EPHA6: variants seen among roughly 807,000 people sequenced by gnomAD.
The protein encoded by EPHA6 is EPH receptor A6.
EPHA6 carries 50 observed loss-of-function variants against 112.0 expected under a neutral mutation model. The ratio of observed to expected loss-of-function variants is 0.45; its 90% CI spans 0.36 to 0.56. The LOEUF is 0.56. EPHA6 is among the 20% of genes least tolerant of loss of function. EPHA6 has a pLI of 0.00. For synonymous variants in EPHA6, 529 were observed against 490.7 expected, an observed-to-expected ratio of 1.08 and a Z score of -1.03; for missense variants, 1,280 against 1,417.4, an observed-to-expected ratio of 0.90 and a Z score of 1.56.
intron 3 of EPHA6, among the ~76,000 whole-genome samples, chr3:97,076,772 T>C (rs1249294947): frequency 6.6e-6 from 1 of 152,146 alleles, no homozygotes; most frequent in Non-Finnish European, 1.5e-5. Context: ...GAGTCAGTGC[T>C]CATTTGCTAT....
At chr3:97,113,828 T>C (rs1198334971) in intron 3 of EPHA6, among the ~76,000 whole-genome samples, 1 of 152,112 alleles carries the variant, frequency 6.6e-6, no homozygotes, top group East Asian at 1.9e-4. Context: ...TCCCACAGAC[T>C]TTTTTCTTAT....
At chr3:97,729,163 T>C (rs981644184) in intron 15 of EPHA6, among the ~76,000 whole-genome samples, 1 of 152,152 alleles carries the variant, frequency 6.6e-6, no homozygotes, top group Non-Finnish European at 1.5e-5. Context: ...AAATATTTCA[T>C]CACTGTAACG....
intron 6 of EPHA6, among the ~76,000 whole-genome samples, chr3:97,430,109 A>C (rs1244019751): frequency 6.6e-6 from 1 of 152,200 alleles, no homozygotes; most frequent in African/African-American, 2.4e-5. Flanking sequence ...TTATAAATGA[A>C]ATTAAAGAAT....
At chr3:97,663,514 A>T (rs372163542) in intron 14 of EPHA6, among the ~76,000 whole-genome samples, 8 of 116,298 alleles carry the variant, frequency 6.9e-5, no homozygotes, top group African/African-American at 2.7e-4. Context: ...GCCCCGGTGT[A>T]TGATGTTCCC....
chr3:96,905,848 A>G (rs2107587640), intron 2 of EPHA6, among the ~76,000 whole-genome samples: 2 of 152,200 alleles, frequency 1.3e-5, no homozygotes, highest in South Asian at 2.1e-4. Context: ...TTTAGCCTAG[A>G]TTACCTACAC....
rs377033380 is a variant in EPHA6, at chr3:97,638,041, A to C, written c.2743A>C (p.Arg915=). 102 of 1,613,780 alleles carry C rather than the reference A, an allele frequency of 6.3e-5. 1 individual carries two copies. The highest frequency in any genetic ancestry group is 8.6e-5 in the Non-Finnish European group (101 of 1,179,854). The part of the protein sequence containing the change: ...VCKVSDFGLS[R]VLEDDPEAAY... Reference sequence around the variant, plus strand: ...CAAAGTTTCTGATTTTGGTCTCTCCAGAGTGCTGGAAGATGATCCAGAAGC... The same window carrying C: ...CAAAGTTTCTGATTTTGGTCTCTCCCGAGTGCTGGAAGATGATCCAGAAGC... The change falls in exon 14 of 18, where the codon AGA becomes CGA. Residue 915 remains arginine, a synonymous_variant. Coordinates refer to ENST00000389672, the MANE Select transcript of EPHA6 (RefSeq NM_001080448.3).
intron 11 of EPHA6, among the ~76,000 whole-genome samples, chr3:97,537,901 A>G (rs2092786295): frequency 6.6e-6 from 1 of 152,190 alleles, no homozygotes; most frequent in Non-Finnish European, 1.5e-5. Flanking sequence ...TAATACAGTA[A>G]TGAAAAAAGA....
intron 7 of EPHA6, among the ~76,000 whole-genome samples, chr3:97,451,434 CAGGAATGCCGCGA>C (rs1470151443): frequency 2.6e-5 from 4 of 151,692 alleles, no homozygotes; most frequent in African/African-American, 7.3e-5. Flanking sequence ...ATTACTGATT[CAGGAATGCCGCGA>C]AAATGACTTT....
At chr3:97,114,225 A>G (rs1248807210) in intron 3 of EPHA6, among the ~76,000 whole-genome samples, 1 of 152,172 alleles carries the variant, frequency 6.6e-6, no homozygotes, top group East Asian at 1.9e-4. Context: ...TCCACATGAA[A>G]GACTTCTAAT....
intron 3 of EPHA6, among the ~76,000 whole-genome samples, chr3:97,042,916 G>A (rs955263065): frequency 6.6e-5 from 10 of 152,114 alleles, no homozygotes; most frequent in African/African-American, 2.4e-4. Flanking sequence ...CAGCACTGTA[G>A]CTCCCTGCCA....
At chr3:97,229,517 T>A (rs776382791) in intron 4 of EPHA6, among the ~76,000 whole-genome samples, 10 of 152,086 alleles carry the variant, frequency 6.6e-5, no homozygotes, top group Non-Finnish European at 1.3e-4. Flanking sequence ...TTATTTTTAT[T>A]TATCAGTTAC....
At chr3:97,645,820 C>T (rs301947) in intron 14 of EPHA6, among the ~76,000 whole-genome samples, 93,707 of 151,890 alleles carry the variant, frequency 0.62, 29,049 homozygotes, top group African/African-American at 0.7. Context: ...TATTTTACCT[C>T]AGATGATTTT....
At chr3:97,188,640 A>C (rs2077219498) in intron 3 of EPHA6, among the ~76,000 whole-genome samples, 1 of 151,700 alleles carries the variant, frequency 6.6e-6, no homozygotes, top group African/African-American at 2.4e-5. Flanking sequence ...ATATGTTTGA[A>C]ATATTTCTTA....
At chr3:97,087,853 C>T (rs2046948167) in intron 3 of EPHA6, among the ~76,000 whole-genome samples, 2 of 152,226 alleles carry the variant, frequency 1.3e-5, no homozygotes, top group South Asian at 4.1e-4. Flanking sequence ...GATCAGTCCA[C>T]AGCAATTTAA....
At chr3:97,053,535 A>G (rs755211799) in intron 3 of EPHA6, among the ~76,000 whole-genome samples, 1 of 152,120 alleles carries the variant, frequency 6.6e-6, no homozygotes, top group Non-Finnish European at 1.5e-5. Flanking sequence ...CAGGTAAACT[A>G]TAGAGAGTAA....
chr3:97,474,022 A>T (rs912071827), intron 7 of EPHA6, among the ~76,000 whole-genome samples: 38 of 151,856 alleles, frequency 2.5e-4, no homozygotes, highest in African/African-American at 8.9e-4. Context: ...AGATTTTTTT[A>T]AAAGTCTCTA....
At chr3:97,589,409 T>C (rs1258139412) in intron 11 of EPHA6, among the ~76,000 whole-genome samples, 1 of 152,168 alleles carries the variant, frequency 6.6e-6, no homozygotes, top group African/African-American at 2.4e-5. Context: ...CAGCTTCTGC[T>C]TTTTTCCCAC....
At chr3:96,967,553 A>G (rs1341325854) in intron 2 of EPHA6, among the ~76,000 whole-genome samples, 1 of 151,946 alleles carries the variant, frequency 6.6e-6, no homozygotes, top group African/African-American at 2.4e-5. Context: ...TAGAATGTTT[A>G]CATATGTTGC....
chr3:97,328,052 C>CATATATATATATATATAT (rs1490094035), intron 5 of EPHA6, among the ~76,000 whole-genome samples: 2 of 56,998 alleles, frequency 3.5e-5, no homozygotes, highest in African/African-American at 1.7e-4. Flanking sequence ...CACATATATA[C>CATATATATATATATATAT]ACATATATAT....
Sources: gnomAD v4.1 joint callset for allele counts (sites outside exome capture counted in the v4.1 genomes callset) on GRCh38, gnomAD v4.1.1 for gene constraint, MANE v1.5 for transcripts, NCBI Gene and HGNC (gene_info 2026-07-23, HGNC 2026-07-21) for gene names.